Variants in SPOP observed in about 807,000 individuals in gnomAD.
SPOP encodes the protein speckle-type POZ protein.
In SPOP, 11 loss-of-function variants were observed where a neutral mutation model predicts 45.6. That is an observed-to-expected ratio of 0.24 (90% CI 0.15 to 0.40). The LOEUF is 0.40. Ranked by LOEUF, SPOP falls within the 10% of genes least tolerant of loss-of-function variation. The probability of loss-of-function intolerance (pLI) is 1.00; values close to 1 mark genes in which losing one functional copy is unlikely to be tolerated. For synonymous variants in SPOP, 166 were observed against 166.3 expected (o/e 1.00, Z 0.01); for missense variants, 152 against 465.6 (o/e 0.33, Z 6.20).
intron 5 of SPOP, among the ~76,000 whole-genome samples, chr17:49,611,698 T>C (rs906537135): frequency 2.6e-5 from 4 of 152,176 alleles, no homozygotes; most frequent in African/African-American, 9.7e-5. Flanking sequence ...AAATCTCTTT[T>C]TCCCCCAGTT....
intron 1 of SPOP, among the ~76,000 whole-genome samples, chr17:49,674,133 G>A (rs946174184): frequency 2.6e-5 from 4 of 152,068 alleles, no homozygotes; most frequent in Non-Finnish European, 5.9e-5. Context: ...GGCAACAGCC[G>A]TGAAACTTGG....
intron 8 of SPOP, 132 bp from the exon 9 acceptor site, chr17:49,602,139 T>C: frequency 1.0e-6 from 1 of 977,352 alleles, no homozygotes; most frequent in Non-Finnish European, 1.5e-6. Flanking sequence ...CATGAAAAGC[T>C]ACTACTGCAA....
At chr17:49,677,832 G>A (rs191135765) in intron 1 of SPOP, 101 bp downstream of exon 1, 12 of 394,826 alleles carry the variant, frequency 3.0e-5, no homozygotes, top group African/African-American at 6.2e-5. Context: ...TGTGTGGCGG[G>A]GGGTGGGGGG....
intron 1 of SPOP, among the ~76,000 whole-genome samples, chr17:49,659,631 C>G (rs1315050659): frequency 6.6e-6 from 1 of 152,142 alleles, no homozygotes; most frequent in African/African-American, 2.4e-5. Context: ...TAAGTTTGTC[C>G]TACATGATGT....
intron 1 of SPOP, among the ~76,000 whole-genome samples, chr17:49,641,931 C>CA (rs1029834641): frequency 6.6e-6 from 1 of 151,970 alleles, no homozygotes; most frequent in Non-Finnish European, 1.5e-5. Flanking sequence ...GAAGCTGAGG[C>CA]AGGAGAATCG....
intron 1 of SPOP, among the ~76,000 whole-genome samples, chr17:49,654,729 G>A (rs933754952): frequency 6.6e-6 from 1 of 152,118 alleles, no homozygotes; most frequent in Non-Finnish European, 1.5e-5. Context: ...AGGTTGCAGT[G>A]GGCTGAGATC....
chr17:49,668,136 G>A (rs1482494119), intron 1 of SPOP: 1 of 152,138 alleles, frequency 6.6e-6, no homozygotes, highest in Non-Finnish European at 1.5e-5. Context: ...CGTATTGCAA[G>A]ATGAAAAAGT....
At chr17:49,650,282 T>C (rs1374752963) in intron 1 of SPOP, among the ~76,000 whole-genome samples, 1 of 152,048 alleles carries the variant, frequency 6.6e-6, no homozygotes, top group Non-Finnish European at 1.5e-5. Flanking sequence ...GAAATTGGCT[T>C]ATAAATAGAA....
chr17:49,622,604 A>G, intron 2 of SPOP, 129 bp downstream of exon 2: 1 of 764,312 alleles, frequency 1.3e-6, no homozygotes, highest in South Asian at 1.7e-5. Context: ...CAAGTATCTT[A>G]TCTATCTGCT....
rs183576207 is a variant in SPOP at position 49,609,946 on chromosome 17, T to C, written c.658+1334A>G. Among the ~76,000 whole-genome samples, 300 of 151,894 alleles carry C rather than the reference T, an allele frequency of 2.0e-3. 1 individual carries two copies. The highest frequency in any genetic ancestry group is 2.9e-3 in the Non-Finnish European group (194 of 67,960). Reference sequence around the variant, plus strand: ...AGCAGAGGTAGAAAAAAAGTCTGCTTTGTCCACGAGGAAGAACACCTCCAC... The same window carrying C: ...AGCAGAGGTAGAAAAAAAGTCTGCTCTGTCCACGAGGAAGAACACCTCCAC... On this transcript the variant is annotated intron_variant, in intron 6 of 9. Transcript: ENST00000504102.
At chr17:49,616,488 TAAAAC>T (rs772664835) in intron 5 of SPOP, among the ~76,000 whole-genome samples, 19 of 152,162 alleles carry the variant, frequency 1.2e-4, no homozygotes, top group Admixed American at 3.3e-4. Context: ...AAATATGAAT[TAAAAC>T]AAATGTGTTT....
At chr17:49,622,496 A>G (rs2072239556) in intron 2 of SPOP, 1 of 565,180 alleles carries the variant, frequency 1.8e-6, no homozygotes, top group African/African-American at 1.9e-5. Context: ...CAATGTAAGC[A>G]GATCTAGTTT....
chr17:49,651,705 A>T (rs889871422), intron 1 of SPOP, among the ~76,000 whole-genome samples: 22 of 152,196 alleles, frequency 1.4e-4, no homozygotes, highest in Admixed American at 4.6e-4. Flanking sequence ...ATTTTGTGAT[A>T]GGCCTATGGA....
At chr17:49,667,616 C>T (rs1203358564) in intron 1 of SPOP, among the ~76,000 whole-genome samples, 1 of 152,056 alleles carries the variant, frequency 6.6e-6, no homozygotes, top group Non-Finnish European at 1.5e-5. Context: ...AAGTATTAGG[C>T]TGCAGAGAGG....
intron 1 of SPOP, among the ~76,000 whole-genome samples, chr17:49,649,828 C>CA (rs934556776): frequency 6.0e-5 from 9 of 150,268 alleles, no homozygotes; most frequent in Non-Finnish European, 8.9e-5. Context: ...GACTCCATCT[C>CA]AAAAAAAAGA....
chr17:49,665,338 G>C (rs141902666), intron 1 of SPOP, among the ~76,000 whole-genome samples: 1 of 152,070 alleles, frequency 6.6e-6, no homozygotes, highest in African/African-American at 2.4e-5. Flanking sequence ...TTTGGGGCCC[G>C]GCGCAGTGGC....
At chr17:49,612,222 T>C (rs142524189) in intron 5 of SPOP, among the ~76,000 whole-genome samples, 40 of 152,298 alleles carry the variant, frequency 2.6e-4, no homozygotes, top group African/African-American at 8.7e-4. Flanking sequence ...TTATTTTAGT[T>C]AGGTCGAGAA....
At chr17:49,623,011 T>A (rs1189127493) in intron 1 of SPOP, 135 bp from the exon 2 acceptor site, 28 of 213,358 alleles carry the variant, frequency 1.3e-4, no homozygotes, top group Non-Finnish European at 1.9e-4. Context: ...GGTCCTAAAA[T>A]TTTTTTTTTT....
chr17:49,652,550 GTT>G (rs2072856907), intron 1 of SPOP, among the ~76,000 whole-genome samples: 1 of 152,154 alleles, frequency 6.6e-6, no homozygotes, highest in Admixed American at 6.6e-5. Context: ...GAACTTAAGA[GTT>G]TCTCTTCAGT....
Sources: gnomAD v4.1 joint callset for allele counts (sites outside exome capture counted in the v4.1 genomes callset) on GRCh38, gnomAD v4.1.1 for gene constraint, MANE v1.5 for transcripts, NCBI Gene and HGNC (gene_info 2026-07-23, HGNC 2026-07-21) for gene names.